The following BCAS3 variants were observed in gnomAD, a reference collection of about 807,000 sequenced individuals.
The protein encoded by BCAS3 is BCAS4/BCAS3 fusion.
Under a neutral mutation model 116.1 loss-of-function variants are expected in BCAS3, and 53 were observed. The observed-to-expected ratio is 0.46, with a 90% CI of 0.37 to 0.57. The LOEUF (loss-of-function observed/expected upper bound fraction) is 0.57. Among genes scored for constraint, BCAS3 ranks in the 20% least tolerant of loss-of-function variants. The pLI, the probability that BCAS3 is intolerant of heterozygous loss-of-function variation, is 0.00. For synonymous variants in BCAS3, 391 were observed against 408.2 expected (o/e 0.96, Z 0.51); for missense variants, 917 against 1,165.4 (o/e 0.79, Z 3.10).
rs576761504 is a variant in BCAS3, at chr17:61,127,996, A to C, written c.2425+43432A>C. Among the ~76,000 whole-genome samples the C allele has an allele frequency of 2.0e-5, 3 of 152,268 alleles. No homozygotes were observed. In the East Asian group the frequency reaches 5.8e-4, roughly 29 times the overall value. On this transcript the variant is annotated intron_variant, in intron 22 of 23. Coordinates refer to ENST00000407086, the MANE Select transcript of BCAS3 (RefSeq NM_017679.5). ...TTCCTCTGAAGGAAGACTGTATTGC[A>C]TTTGTGTGGCTTTGGGGAAGACATT...
In BCAS3 at chr17:60,957,180, T is replaced by C. The variant is rs116103536; in HGVS notation, c.1221+9828T>C. 3.7e-3 allele frequency among the ~76,000 whole-genome samples: 567 copies of C among 152,284 alleles called. 3 individuals are homozygous for C. The highest frequency in any genetic ancestry group is 0.013 in the African/African-American group (539 of 41,574). Reference sequence around the variant, plus strand: ...CATTTTTGTACTTAGCATGCTAATTTTGGCAAATGGCAAACTTGCTTTTGA... The same window carrying C: ...CATTTTTGTACTTAGCATGCTAATTCTGGCAAATGGCAAACTTGCTTTTGA... On this transcript the variant is annotated intron_variant, in intron 14 of 23. Coordinates refer to ENST00000407086, the MANE Select transcript of BCAS3 (RefSeq NM_017679.5).
chr17:60,763,364 C>T (rs751039027), intron 6 of BCAS3, among the ~76,000 whole-genome samples: 16 of 152,258 alleles, frequency 1.1e-4, no homozygotes, highest in Admixed American at 3.3e-4. Context: ...TTTTGAGATA[C>T]GTTCCATCAT....
intron 22 of BCAS3, among the ~76,000 whole-genome samples, chr17:61,293,742 C>T (rs1055469466): frequency 6.6e-6 from 1 of 152,140 alleles, no homozygotes; most frequent in African/African-American, 2.4e-5. Context: ...CCATTATGTG[C>T]AGGATCTACT....
In BCAS3 at chr17:61,019,033, T is replaced by C. The variant is rs1263279745; in HGVS notation, c.1637+3132T>C. Among the ~76,000 whole-genome samples the C allele has an allele frequency of 6.6e-6, 1 of 152,174 alleles. No individual in the cohort carries two copies. Among genetic ancestry groups the C allele is most frequent in the Non-Finnish European group, 1.5e-5 (1 of 68,032 alleles). ...CTTTGATGATAGTGGTCAGTCATAC[T>C]TGACTGTTGCTAGATGACAAGACTC... On this transcript the variant is annotated intron_variant, in intron 16 of 23. Transcript: ENST00000407086. This position sits in a 1 kb window ranked among gnomAD's most constrained non-coding sequence, Gnocchi z 5.6.
At chr17:61,039,166 C>T (rs2067302226) in intron 18 of BCAS3, among the ~76,000 whole-genome samples, 1 of 152,138 alleles carries the variant, frequency 6.6e-6, no homozygotes, top group African/African-American at 2.4e-5. Flanking sequence ...GATTTTGCTA[C>T]TCTGATCATT....
chr17:60,881,634 C>T (rs2144952173), intron 9 of BCAS3, among the ~76,000 whole-genome samples: 1 of 137,304 alleles, frequency 7.3e-6, no homozygotes, highest in South Asian at 2.3e-4. Flanking sequence ...TATTCCCCTT[C>T]CTGTGTCCAT....
rs907437313 is a variant in BCAS3, at chr17:61,189,244, C to T, written c.2425+104680C>T. Among the ~76,000 whole-genome samples, 3 of 152,134 alleles carry T rather than the reference C, an allele frequency of 2.0e-5. No homozygotes were observed. Among genetic ancestry groups the T allele is most frequent in the African/African-American group, 4.8e-5 (2 of 41,404 alleles). ...AAGGAAAGCTTTCTGTAGAAGTACA[C>T]CTGGGAGAAGTGTAATAGCAATCTA... On this transcript the variant is annotated intron_variant, in intron 22 of 23. Transcript: ENST00000407086. The surrounding 1 kb of genome is among the most constrained non-coding windows in gnomAD (Gnocchi z 4.5).
intron 22 of BCAS3, among the ~76,000 whole-genome samples, chr17:61,169,776 C>A (rs1359937886): frequency 6.6e-6 from 1 of 152,096 alleles, no homozygotes; most frequent in Non-Finnish European, 1.5e-5. Flanking sequence ...GGATATGGGA[C>A]CATTTTTACT....
intron 17 of BCAS3, among the ~76,000 whole-genome samples, chr17:61,036,022 T>C (rs7210912): frequency 0.1 from 15,584 of 152,214 alleles, 2,422 homozygotes; most frequent in African/African-American, 0.34. Context: ...CTGTAGTTAT[T>C]ATCTTTCTAA....
chr17:60,781,516 T>C (rs1351555345), intron 6 of BCAS3, among the ~76,000 whole-genome samples: 2 of 152,082 alleles, frequency 1.3e-5, no homozygotes, highest in Non-Finnish European at 2.9e-5. Context: ...CGAGAATCTC[T>C]TGAAGTCAGG....
Position 61,302,587 on chromosome 17 carries a change from A to G in BCAS3, c.2426-65740A>G, listed in dbSNP as rs1568798987. ...GGCTATCTTGTTTAATACTGACAAT[A>G]TAATTACAAGGTGCATATCATTATT... is the stretch of plus-strand genomic sequence containing the variant. On this transcript the variant is annotated intron_variant, in intron 22 of 23. Coordinates refer to ENST00000407086, the MANE Select transcript of BCAS3 (RefSeq NM_017679.5). The surrounding 1 kb of genome is among the most constrained non-coding windows in gnomAD (Gnocchi z 4.4). 6.6e-6 allele frequency among the ~76,000 whole-genome samples: 1 copy of G among 152,238 alleles called. No individual in the cohort carries two copies. The highest frequency in any genetic ancestry group is 1.5e-5 in the Non-Finnish European group (1 of 68,040).
chr17:61,375,218 TTGTGTG>T lies in BCAS3; in HGVS notation c.2593+6756_2593+6761del, dbSNP rs59961930. Reference sequence around the variant, plus strand: ...GCAAAAGATGACCTAAAAGCACTATTTGTGTGTGTGTGTGTGTGTGTGTGTGTGTGT... The same window carrying T: ...GCAAAAGATGACCTAAAAGCACTATTTGTGTGTGTGTGTGTGTGTGTGTGT... On this transcript the variant is annotated intron_variant, in intron 23 of 23. Transcript: ENST00000407086. Among the ~76,000 whole-genome samples the T allele has an allele frequency of 1.3e-3, 187 of 142,766 alleles. No individual in the cohort carries two copies. In the Middle Eastern group the frequency reaches 0.025, roughly 19 times the overall value. The allele number at this position is 142,766 out of a possible 152,430, so 93.7% of individuals were successfully genotyped here.
rs968129268 is a variant in BCAS3 at position 61,180,680 on chromosome 17, C to T, written c.2425+96116C>T. Among the ~76,000 whole-genome samples, 9 of 152,166 alleles carry T rather than the reference C, an allele frequency of 5.9e-5. No individual in the cohort carries two copies. Among genetic ancestry groups the T allele is most frequent in the African/African-American group, 1.7e-4 (7 of 41,436 alleles). ...TCTGAGGAGCATCAGTCCCATGCTT[C>T]GTGTCTGCACAGTGGAACATAAAGC... is the stretch of plus-strand genomic sequence containing the variant. On this transcript the variant is annotated intron_variant, in intron 22 of 23. Coordinates refer to ENST00000407086, the MANE Select transcript of BCAS3 (RefSeq NM_017679.5). The surrounding 1 kb of genome is among the most constrained non-coding windows in gnomAD (Gnocchi z 6.0).
intron 7 of BCAS3, among the ~76,000 whole-genome samples, chr17:60,849,896 G>T (rs1480396259): frequency 2.6e-5 from 4 of 152,144 alleles, no homozygotes; most frequent in Non-Finnish European, 2.9e-5. Context: ...AAGTAGCTGG[G>T]ACTACAGGCG....
At position 61,391,742 on chromosome 17, in the gene BCAS3, G is replaced by T; in HGVS notation, c.2594-235G>T. On this transcript the variant is annotated intron_variant, in intron 23 of 23. Transcript: ENST00000407086. The surrounding 1 kb of genome is among the most constrained non-coding windows in gnomAD (Gnocchi z 7.7). ...GGGCCTAAAGGGCTTCCCGCAGCAG[G>T]GAGACGGTGCTCTCACACCAGAGTC... 1.8e-6 allele frequency: 1 copy of T among 548,728 alleles called. No individual in the cohort carries two copies. Among genetic ancestry groups the T allele is most frequent in the Non-Finnish European group, 3.3e-6 (1 of 307,472 alleles). 34.0% of individuals were successfully genotyped at this position (548,728 alleles called of 1,614,324 possible).
intron 6 of BCAS3, among the ~76,000 whole-genome samples, chr17:60,769,429 T>C (rs1345728539): frequency 6.6e-6 from 1 of 152,204 alleles, no homozygotes; most frequent in Non-Finnish European, 1.5e-5. Context: ...GCTTTGTCTT[T>C]GAAGCACATG....
At chr17:60,762,277 G>C (rs567280419) in intron 6 of BCAS3, among the ~76,000 whole-genome samples, 3 of 152,056 alleles carry the variant, frequency 2.0e-5, no homozygotes, top group Non-Finnish European at 4.4e-5. Context: ...CTTTTCCCAC[G>C]TCTGTGTCCT....
At chr17:61,236,755 T>C (rs2144476947) in intron 22 of BCAS3, among the ~76,000 whole-genome samples, 2 of 150,904 alleles carry the variant, frequency 1.3e-5, no homozygotes, top group Admixed American at 1.3e-4. Context: ...GGAGGGATGA[T>C]GGAGAAGGTA....
At position 61,220,125 on chromosome 17, in the gene BCAS3, C is replaced by A. The variant is rs2082029187; in HGVS notation, c.2425+135561C>A. Among the ~76,000 whole-genome samples, 1 of 152,060 alleles carries A rather than the reference C, an allele frequency of 6.6e-6. No individual in the cohort carries two copies. Among genetic ancestry groups the A allele is most frequent in the African/African-American group, 2.4e-5 (1 of 41,408 alleles). On this transcript the variant is annotated intron_variant, in intron 22 of 23. Transcript: ENST00000407086. The surrounding 1 kb of genome is among the most constrained non-coding windows in gnomAD (Gnocchi z 4.5). ...CCTGGCCAATACAGTGAAATCACGT[C>A]TCTACTAATAATACAAAAATTAGCC...
Sources: gnomAD v4.1 joint callset for allele counts (sites outside exome capture counted in the v4.1 genomes callset) on GRCh38, gnomAD v4.1.1 for gene constraint, Gnocchi (gnomAD v3.1) non-coding constraint, MANE v1.5 for transcripts, NCBI Gene and HGNC (gene_info 2026-07-23, HGNC 2026-07-21) for gene names.